The following XRRA1 variants were observed in gnomAD, a reference collection of about 807,000 sequenced individuals.
The protein encoded by XRRA1 is X-ray radiation resistance associated 1.
In XRRA1, 69 loss-of-function variants were observed where a neutral mutation model predicts 80.2. The ratio of observed to expected loss-of-function variants is 0.86; its 90% CI spans 0.71 to 1.05. The LOEUF is 1.05. XRRA1 is among the 50% of genes least tolerant of loss of function. The pLI is 0.00. For synonymous variants in XRRA1, 348 were observed against 389.9 expected (o/e 0.89, Z 1.27); for missense variants, 967 against 976.4 (o/e 0.99, Z 0.13).
In XRRA1 at chr11:74,900,357, C is replaced by T. The variant is rs191937879; in HGVS notation, c.1003+5882G>A. On this transcript the variant is annotated intron_variant, in intron 10 of 18. Transcript: ENST00000684022. Reference sequence around the variant, plus strand: ...CAGCACTTTGGGAGGCCAAGGTGGGCGGATCACCTGAGGTCGGGAGTTCAA... The same window carrying T: ...CAGCACTTTGGGAGGCCAAGGTGGGTGGATCACCTGAGGTCGGGAGTTCAA... Among the ~76,000 whole-genome samples, 111 of 152,002 alleles carry T rather than the reference C, an allele frequency of 7.3e-4. No homozygotes were observed. In the East Asian group the frequency reaches 0.013, roughly 18 times the overall value.
intron 10 of XRRA1, 62 bp downstream of exon 10, chr11:74,906,177 A>G: frequency 6.8e-7 from 1 of 1,478,154 alleles, no homozygotes; most frequent in Non-Finnish European, 9.3e-7. Flanking sequence ...TTTCAGAATA[A>G]ACTCTCAGAA....
At chr11:74,909,518 G>A (rs1334419998) in intron 8 of XRRA1, among the ~76,000 whole-genome samples, 4 of 152,060 alleles carry the variant, frequency 2.6e-5, no homozygotes, top group East Asian at 1.9e-4. Flanking sequence ...ACACTACTTC[G>A]TCTTTTTAAA....
intron 10 of XRRA1, among the ~76,000 whole-genome samples, chr11:74,885,241 G>A (rs776650535): frequency 6.6e-6 from 1 of 152,214 alleles, no homozygotes; most frequent in East Asian, 1.9e-4. Context: ...TCCAGCCTGG[G>A]TGACAGAGTG....
intron 15 of XRRA1, among the ~76,000 whole-genome samples, chr11:74,845,567 G>A (rs551675181): frequency 6.6e-6 from 1 of 152,294 alleles, no homozygotes; most frequent in East Asian, 1.9e-4. Flanking sequence ...CCATCCCTAC[G>A]GAGCAATGGG....
intron 2 of XRRA1, among the ~76,000 whole-genome samples, chr11:74,943,772 A>T (rs1565464256): frequency 6.6e-6 from 1 of 151,978 alleles, no homozygotes; most frequent in Non-Finnish European, 1.5e-5. Context: ...GCCAAACCAA[A>T]CACCTGAGAA....
intron 10 of XRRA1, among the ~76,000 whole-genome samples, chr11:74,905,791 G>C (rs1297449370): frequency 6.6e-6 from 1 of 152,066 alleles, no homozygotes; most frequent in Admixed American, 6.5e-5. Context: ...ATAGCTCGGA[G>C]ACACCAGCAG....
At chr11:74,887,733 G>A (rs368652877) in intron 10 of XRRA1, among the ~76,000 whole-genome samples, 5 of 152,150 alleles carry the variant, frequency 3.3e-5, no homozygotes, top group South Asian at 2.1e-4. Flanking sequence ...CTAATACTGC[G>A]CTTTTCCAAC....
chr11:74,880,809 G>GC (rs1474012203), intron 10 of XRRA1, among the ~76,000 whole-genome samples: 1 of 151,626 alleles, frequency 6.6e-6, no homozygotes, highest in Non-Finnish European at 1.5e-5. Context: ...CAGTTTGATT[G>GC]CACTGTGGTC....
At chr11:74,853,276 T>C (rs111923983) in intron 12 of XRRA1, among the ~76,000 whole-genome samples, 162 of 152,254 alleles carry the variant, frequency 1.1e-3, no homozygotes, top group African/African-American at 3.7e-3. Context: ...AGGAGGTAAT[T>C]AGCGAACGCA....
chr11:74,856,753 G>A (rs1340079037), intron 12 of XRRA1, among the ~76,000 whole-genome samples: 1 of 152,168 alleles, frequency 6.6e-6, no homozygotes, highest in Non-Finnish European at 1.5e-5. Context: ...GCCTGGAAGA[G>A]GAGATAGCTC....
intron 6 of XRRA1, among the ~76,000 whole-genome samples, chr11:74,928,922 T>A (rs936312104): frequency 6.6e-6 from 1 of 152,172 alleles, no homozygotes; most frequent in Non-Finnish European, 1.5e-5. Flanking sequence ...TCCCTACCAA[T>A]GCTGGCTGTC....
Position 74,843,098 on chromosome 11 carries a change from C to T in XRRA1, c.*102G>A. 7.0e-7 allele frequency: 1 copy of T among 1,427,502 alleles called. No individual in the cohort carries two copies. Among genetic ancestry groups the T allele is most frequent in the South Asian group, 1.4e-5 (1 of 69,276 alleles). 88.4% of individuals were successfully genotyped at this position (1,427,502 alleles called of 1,614,324 possible). A position where few individuals can be genotyped will look rare whatever the true frequency, so the allele number is the denominator to read the frequency against. ...GTGGGGCCCAGCTGAGCTCTGAGGC[C>T]TGTGGCCGGCTGGTCAACCTTGAGG... On this transcript the variant is annotated 3_prime_UTR_variant, in exon 19 of 19. Coordinates refer to ENST00000684022, the MANE Select transcript of XRRA1 (RefSeq NM_001378157.1).
chr11:74,845,243 T>C lies in XRRA1; in HGVS notation c.1757A>G (p.His586Arg), dbSNP rs1212998437. 3 of 1,613,712 alleles carry C rather than the reference T, an allele frequency of 1.9e-6. No individual in the cohort carries two copies. The highest frequency in any genetic ancestry group is 2.5e-6 in the Non-Finnish European group (3 of 1,179,780). ...QVSELPSSVI[H>R]KDDLELKEKD... ...CTCCTTTAACTCTAAATCATCCTTA[T>C]GGATGACGGAGGAAGGCAGTTCACT... Residue 586 changes from histidine (H) to arginine (R), a missense_variant, in exon 16 of 19, where the codon CAT (histidine) becomes CGT (arginine). Coordinates refer to ENST00000684022, the MANE Select transcript of XRRA1 (RefSeq NM_001378157.1).
chr11:74,893,397 G>T (rs2051318381), intron 10 of XRRA1, among the ~76,000 whole-genome samples: 1 of 148,358 alleles, frequency 6.7e-6, no homozygotes, highest in African/African-American at 2.5e-5. Context: ...ACACACTGGG[G>T]CCTGTTGTGG....
chr11:74,854,142 G>T (rs1240080143), intron 12 of XRRA1, among the ~76,000 whole-genome samples: 1 of 152,176 alleles, frequency 6.6e-6, no homozygotes, highest in Non-Finnish European at 1.5e-5. Flanking sequence ...TTTGCTTTGG[G>T]TATGTGTATG....
intron 8 of XRRA1, among the ~76,000 whole-genome samples, chr11:74,916,690 G>A (rs80332927): frequency 0.048 from 7,209 of 151,712 alleles, 259 homozygotes; most frequent in Non-Finnish European, 0.072. Context: ...CCTTTGGATG[G>A]GCCATATTTT....
intron 3 of XRRA1, among the ~76,000 whole-genome samples, chr11:74,937,434 A>G (rs1051627683): frequency 1.3e-5 from 2 of 152,030 alleles, no homozygotes; most frequent in Non-Finnish European, 2.9e-5. Context: ...CCCTCAGTAG[A>G]GCTGATCCCT....
At chr11:74,848,845 A>G (rs2039023429) in intron 14 of XRRA1, among the ~76,000 whole-genome samples, 1 of 152,156 alleles carries the variant, frequency 6.6e-6, no homozygotes, top group African/African-American at 2.4e-5. Context: ...CAGTAGTCTC[A>G]TTCTTCAGAT....
intron 10 of XRRA1, among the ~76,000 whole-genome samples, chr11:74,865,585 C>T (rs1437434155): frequency 6.6e-6 from 1 of 152,224 alleles, no homozygotes; most frequent in African/African-American, 2.4e-5. Context: ...GTTCTGGTCC[C>T]TCTTGTTGCA....
Sources: gnomAD v4.1 joint callset for allele counts (sites outside exome capture counted in the v4.1 genomes callset) on GRCh38, gnomAD v4.1.1 for gene constraint, MANE v1.5 for transcripts, NCBI Gene and HGNC (gene_info 2026-07-23, HGNC 2026-07-21) for gene names.